The following KLHDC4 variants were observed in gnomAD, a reference collection of about 807,000 sequenced individuals.
KLHDC4 encodes kelch domain containing 4.
Under a neutral mutation model 62.4 loss-of-function variants are expected in KLHDC4, and 90 were observed. The observed-to-expected ratio is 1.44, with a 90% CI of 1.22 to 1.72. The LOEUF is 1.72. Among genes scored for constraint, KLHDC4 ranks in the 40% most tolerant of loss-of-function variants. KLHDC4 has a pLI of 0.00. For missense variants in KLHDC4, 1,025 were observed against 699.7 expected, an observed-to-expected ratio of 1.47 and a Z score of -5.25; for synonymous variants, 386 against 284.4, an observed-to-expected ratio of 1.36 and a Z score of -3.59.
downstream of KLHDC4, among the ~76,000 whole-genome samples, chr16:87,704,071 C>G (rs559998881): frequency 6.6e-6 from 1 of 152,352 alleles, no homozygotes; most frequent in Admixed American, 6.5e-5. Flanking sequence ...CCTTTTCCTT[C>G]CGGGCTGGGG....
intron 5 of KLHDC4, among the ~76,000 whole-genome samples, chr16:87,732,097 C>CTTTTTT (rs61370494): frequency 7.6e-6 from 1 of 132,244 alleles, no homozygotes; most frequent in Non-Finnish European, 1.6e-5. Flanking sequence ...GTGCATATTT[C>CTTTTTT]TTTTTTTTTT....
intron 7 of KLHDC4, among the ~76,000 whole-genome samples, chr16:87,722,610 TGA>T (rs1393246752): frequency 6.6e-6 from 1 of 152,230 alleles, no homozygotes; most frequent in Non-Finnish European, 1.5e-5. Flanking sequence ...TTCTCCGGGC[TGA>T]GAGACAATGG....
chr16:87,736,660 G>T (rs942538213), intron 5 of KLHDC4, among the ~76,000 whole-genome samples: 1 of 152,166 alleles, frequency 6.6e-6, no homozygotes, highest in Non-Finnish European at 1.5e-5. Flanking sequence ...ATTAGTAGCC[G>T]TCTCCAGAAT....
chr16:87,723,218 A>T (rs147983297), intron 7 of KLHDC4, among the ~76,000 whole-genome samples: 15 of 152,272 alleles, frequency 9.9e-5, no homozygotes, highest in Admixed American at 3.3e-4. Flanking sequence ...TACACTCCAA[A>T]CCATTCACAA....
downstream of KLHDC4, chr16:87,703,283 C>T (rs2034258854): frequency 6.6e-6 from 1 of 152,122 alleles, no homozygotes; most frequent in South Asian, 2.1e-4. Flanking sequence ...CGGGTCAGCG[C>T]GCGTGGGGTC....
intron 2 of KLHDC4, among the ~76,000 whole-genome samples, chr16:87,761,353 C>T (rs184935006): frequency 3.2e-4 from 49 of 152,316 alleles, no homozygotes; most frequent in African/African-American, 1.1e-3. Flanking sequence ...TGGGCTGAAC[C>T]CCGGCTTCCA....
chr16:87,709,739 G>C, intron 9 of KLHDC4, 72 bp from the exon 10 acceptor site: 2 of 1,459,942 alleles, frequency 1.4e-6, no homozygotes, highest in Non-Finnish European at 1.8e-6. Context: ...ATGCCCACAA[G>C]GCCAGGCAAG....
rs1022292620 is a variant in KLHDC4, at chr16:87,733,121, C to A, written c.507-2477G>T. Reference sequence around the variant, plus strand: ...AAGCAAATCCTATCCCAGCTTCTATCGGTGAAAAGGCAGGTGCAAAGCAAA... The same window carrying A: ...AAGCAAATCCTATCCCAGCTTCTATAGGTGAAAAGGCAGGTGCAAAGCAAA... On this transcript the variant is annotated intron_variant, in intron 5 of 11. Transcript: ENST00000270583. 3.0e-3 allele frequency among the ~76,000 whole-genome samples: 276 copies of A among 92,224 alleles called. No individual in the cohort carries two copies. The Middle Eastern group carries it at 0.04, about 13-fold the overall frequency. 60.5% of individuals were successfully genotyped at this position (92,224 alleles called of 152,430 possible). A position where few individuals can be genotyped will look rare whatever the true frequency, so the allele number is the denominator to read the frequency against.
intron 5 of KLHDC4, among the ~76,000 whole-genome samples, chr16:87,734,490 G>C (rs978695479): frequency 3.9e-5 from 6 of 152,166 alleles, no homozygotes; most frequent in African/African-American, 1.4e-4. Context: ...CTCCAAGCTG[G>C]AGCGAATTCG....
At chr16:87,718,716 C>T (rs8060357) in intron 7 of KLHDC4, among the ~76,000 whole-genome samples, 9,308 of 150,836 alleles carry the variant, frequency 0.062, 957 homozygotes, top group African/African-American at 0.22. Flanking sequence ...CCCCTCTGCC[C>T]GGCTGCCCAG....
intron 5 of KLHDC4, chr16:87,740,719 T>C (rs1034541427): frequency 6.6e-6 from 1 of 151,524 alleles, no homozygotes; most frequent in Non-Finnish European, 1.5e-5. Flanking sequence ...AAAAGGGGAG[T>C]CTTACAACCC....
chr16:87,755,207 C>G lies in KLHDC4; in HGVS notation c.356G>C (p.Arg119Pro), dbSNP rs572950700. Residue 119 changes from arginine (R) to proline (P), a missense_variant, in exon 4 of 12, where the codon CGC becomes CCC. Transcript: ENST00000270583. Reference protein sequence around the residue: ...KVDIPSPPPRRCAHQAVVVPQ... With the variant: ...KVDIPSPPPRPCAHQAVVVPQ... ...TGCTGACATTACCTGGTGAGCACAG[C>G]GCCTCGGAGGTGGACTGGGGATGTC... 1.9e-6 allele frequency: 3 copies of G among 1,608,386 alleles called. No individual in the cohort carries two copies. The African/African-American group carries it at 4.0e-5, about 21-fold the overall frequency.
chr16:87,713,830 C>T (rs990456318), intron 8 of KLHDC4, among the ~76,000 whole-genome samples: 1 of 152,176 alleles, frequency 6.6e-6, no homozygotes, highest in Non-Finnish European at 1.5e-5. Context: ...ATGATTGTTC[C>T]CCTGTGCTTT....
intron 5 of KLHDC4, among the ~76,000 whole-genome samples, chr16:87,743,557 A>G (rs934518516): frequency 2.6e-5 from 4 of 151,872 alleles, no homozygotes; most frequent in Admixed American, 2.0e-4. Flanking sequence ...TGGCTAACAC[A>G]GTGAAACCCC....
intron 6 of KLHDC4, among the ~76,000 whole-genome samples, chr16:87,729,930 G>C (rs375138326): frequency 6.6e-6 from 1 of 152,162 alleles, no homozygotes; most frequent in Non-Finnish European, 1.5e-5. Flanking sequence ...ACCAGGCTAA[G>C]GTTTGAGAAT....
chr16:87,700,686 AGGGCGGAGGGAGGAGG>A (rs2034100324), exon 1 of KLHDC4: 1 of 182,622 alleles, frequency 5.5e-6, no homozygotes, highest in African/African-American at 3.6e-5. Flanking sequence ...AGGAGGTTGG[AGGGCGGAGGGAGGAGG>A]TTGGAGGGCG....
exon 1 of KLHDC4, chr16:87,702,317 C>T: frequency 2.2e-6 from 1 of 456,042 alleles, no homozygotes; most frequent in Non-Finnish European, 4.4e-6. Context: ...GGCTCCCAGG[C>T]CCTGGGGTCA....
At chr16:87,709,933 C>T in intron 9 of KLHDC4, 1 of 506,478 alleles carries the variant, frequency 2.0e-6, no homozygotes, top group Admixed American at 3.4e-5. Context: ...GGCCGCTCCA[C>T]ACCTCCACTG....
chr16:87,750,222 G>C (rs772080823), intron 4 of KLHDC4: 3 of 152,294 alleles, frequency 2.0e-5, no homozygotes, highest in Non-Finnish European at 4.4e-5. Flanking sequence ...GCTCCACGGG[G>C]TCTTTCCTCC....
Sources: gnomAD v4.1 joint callset for allele counts (sites outside exome capture counted in the v4.1 genomes callset) on GRCh38, gnomAD v4.1.1 for gene constraint, MANE v1.5 for transcripts, NCBI Gene and HGNC (gene_info 2026-07-23, HGNC 2026-07-21) for gene names.